EPB41L1: variants seen among roughly 807,000 people sequenced by gnomAD.
The protein encoded by EPB41L1 is erythrocyte membrane protein band 4.1 like 1.
A neutral mutation model predicts 97.8 loss-of-function variants in EPB41L1; 29 were observed. The observed-to-expected ratio is 0.30, with a 90% confidence interval of 0.22 to 0.40. EPB41L1 has a LOEUF of 0.40. EPB41L1 is among the 10% of genes least tolerant of loss of function. EPB41L1 has a pLI of 1.00. For synonymous variants in EPB41L1, 383 were observed against 459.2 expected, an observed-to-expected ratio of 0.83 and a Z score of 2.12; for missense variants, 812 against 1,162.3, an observed-to-expected ratio of 0.70 and a Z score of 4.38.
intron 19 of EPB41L1, 81 bp downstream of exon 19, chr20:36,219,925 C>T: frequency 7.9e-7 from 1 of 1,263,252 alleles, no homozygotes; most frequent in Non-Finnish European, 1.2e-6. Context: ...TTCGGCTTCG[C>T]CATCTGTAAA....
chr20:36,123,331 A>G (rs988550886), intron 2 of EPB41L1, among the ~76,000 whole-genome samples: 17 of 152,170 alleles, frequency 1.1e-4, no homozygotes, highest in Non-Finnish European at 2.2e-4. Flanking sequence ...CCCCTCTGTG[A>G]CACTGGGAAA....
chr20:36,190,209 A>T lies in EPB41L1; in HGVS notation c.1027-68A>T. 2 of 1,264,082 alleles carry T rather than the reference A, an allele frequency of 1.6e-6. No individual in the cohort carries two copies. The highest frequency in any genetic ancestry group is 1.1e-6 in the Non-Finnish European group (1 of 871,016). 78.3% of individuals were successfully genotyped at this position (1,264,082 alleles called of 1,614,324 possible). On this transcript the variant is annotated intron_variant, in intron 9 of 21. Transcript: ENST00000338074. The surrounding 1 kb of genome is among the most constrained non-coding windows in gnomAD (Gnocchi z 5.8). ...ACATTAAACAAATAAAATAAAAAAC[A>T]CAAAGAATGGGCTAGTGGCGAGAGT...
At position 36,206,432 on chromosome 20, in the gene EPB41L1, T is replaced by C. The variant is rs1600953589; in HGVS notation, c.1669-3056T>C. The stretch of plus-strand genomic sequence containing the variant: ...GCCCACGCAGAAGCCAGAGCTGAGT[T>C]GAGCAATGAAACTGATACTTCCTTT... On this transcript the variant is annotated intron_variant, in intron 14 of 21. Transcript: ENST00000338074. The surrounding 1 kb of genome is among the most constrained non-coding windows in gnomAD (Gnocchi z 5.5). The C allele has an allele frequency of 2.3e-6, 3 of 1,290,000 alleles. No homozygotes were observed. The highest frequency in any genetic ancestry group is 3.0e-6 in the Non-Finnish European group (3 of 988,916). The allele number at this position is 1,290,000 out of a possible 1,614,324, so 79.9% of individuals were successfully genotyped here. A position where few individuals can be genotyped will look rare whatever the true frequency, so the allele number is the denominator to read the frequency against.
In EPB41L1 at chr20:36,209,940, G is replaced by A. The variant is rs371924089; in HGVS notation, c.2079+42G>A. The A allele has an allele frequency of 4.3e-5, 69 of 1,604,298 alleles. No homozygotes were observed. Among genetic ancestry groups the A allele is most frequent in the Admixed American group, 5.1e-5 (3 of 59,044 alleles). On this transcript the variant is annotated intron_variant, in intron 15 of 21. Transcript: ENST00000338074. The surrounding 1 kb of genome is among the most constrained non-coding windows in gnomAD (Gnocchi z 4.2). ...TCAAGAGCCAGGCCCGCTGGGCACC[G>A]CATGCTCAGAGGGCCCTGGGCCACC... is the stretch of plus-strand genomic sequence containing the variant.
At chr20:36,155,290 T>C in intron 1 of EPB41L1, 1 of 413,762 alleles carries the variant, frequency 2.4e-6, no homozygotes, top group Non-Finnish European at 4.8e-6. Context: ...CCTGGGATGC[T>C]GGCGAGCCCT....
At chr20:36,131,757 G>T (rs1254835177) in intron 2 of EPB41L1, among the ~76,000 whole-genome samples, 1 of 152,200 alleles carries the variant, frequency 6.6e-6, no homozygotes. Flanking sequence ...TGCAGGGGCA[G>T]AGCTGAGGCC....
chr20:36,174,298 G>A lies in EPB41L1; in HGVS notation c.177+344G>A, dbSNP rs150881960. ...TTTTTTTTAATTGAGTTGGAGTCTC[G>A]CCCTGTCACCCAGGCTGGAGTGCAG... On this transcript the variant is annotated intron_variant, in intron 2 of 21. Transcript: ENST00000338074. Among the ~76,000 whole-genome samples, 1,297 of 150,292 alleles carry A rather than the reference G, an allele frequency of 8.6e-3. 27 individuals carry two copies. Among genetic ancestry groups the A allele is most frequent in the African/African-American group, 0.03 (1,207 of 40,792 alleles).
chr20:36,182,797 A>T (rs1243129168), intron 6 of EPB41L1, among the ~76,000 whole-genome samples: 1 of 152,228 alleles, frequency 6.6e-6, no homozygotes, highest in Non-Finnish European at 1.5e-5. Flanking sequence ...TACCAAACCC[A>T]TGTAAAAGCT....
intron 2 of EPB41L1, among the ~76,000 whole-genome samples, chr20:36,137,841 A>G (rs1348224813): frequency 1.3e-5 from 2 of 152,176 alleles, no homozygotes; most frequent in African/African-American, 4.8e-5. Context: ...TTAATATGAA[A>G]AAAGTGAAAC....
chr20:36,217,466 G>A (rs985519438), intron 17 of EPB41L1, among the ~76,000 whole-genome samples: 8 of 152,212 alleles, frequency 5.3e-5, no homozygotes, highest in Non-Finnish European at 1.2e-4. Context: ...GGATACAGGA[G>A]AGGAAGGGAG....
chr20:36,207,221 G>T lies in EPB41L1; in HGVS notation c.1669-2267G>T. The stretch of plus-strand genomic sequence containing the variant: ...AGACATGTCCATCTTTCGAAAGCCA[G>T]CCCAGAGCCCAAGGACCAAGTAGGG... On this transcript the variant is annotated intron_variant, in intron 14 of 21. Transcript: ENST00000338074. This position sits in a 1 kb window ranked among gnomAD's most constrained non-coding sequence, Gnocchi z 4.9. 7.8e-7 allele frequency: 1 copy of T among 1,282,964 alleles called. No homozygotes were observed. The highest frequency in any genetic ancestry group is 1.0e-6 in the Non-Finnish European group (1 of 984,442). The allele number at this position is 1,282,964 out of a possible 1,614,324, so 79.5% of individuals were successfully genotyped here.
intron 14 of EPB41L1, among the ~76,000 whole-genome samples, chr20:36,202,188 C>T (rs1317385770): frequency 6.6e-6 from 1 of 152,226 alleles, no homozygotes; most frequent in African/African-American, 2.4e-5. Context: ...CCACAACCTG[C>T]ACCCCGCCCC....
chr20:36,142,284 ATATG>A (rs924791238), intron 2 of EPB41L1, among the ~76,000 whole-genome samples: 1 of 152,206 alleles, frequency 6.6e-6, no homozygotes, highest in Non-Finnish European at 1.5e-5. Context: ...GTATTTCAGC[ATATG>A]TATGTATCAC....
intron 1 of EPB41L1, among the ~76,000 whole-genome samples, chr20:36,161,590 C>G (rs1054133206): frequency 6.6e-6 from 1 of 152,006 alleles, no homozygotes; most frequent in Non-Finnish European, 1.5e-5. Context: ...ATTCTCCTGC[C>G]TTGGCCTCCC....
intron 1 of EPB41L1, among the ~76,000 whole-genome samples, chr20:36,101,952 C>T (rs1480891087): frequency 3.3e-5 from 5 of 152,012 alleles, no homozygotes; most frequent in Non-Finnish European, 7.4e-5. Context: ...TTGCAGTGAG[C>T]TGAGATCACA....
chr20:36,213,775 AT>A lies in EPB41L1; in HGVS notation c.2185-581del, dbSNP rs1205883462. On this transcript the variant is annotated intron_variant, in intron 16 of 21. Transcript: ENST00000338074. ...TTCTTATAATATCACCCAGAAAAAAATATAAGCCTATTTCAACACAGATACC... is the reference window on the plus strand; with the variant it reads ...TTCTTATAATATCACCCAGAAAAAAAATAAGCCTATTTCAACACAGATACC... Among the ~76,000 whole-genome samples, 6 of 152,370 alleles carry A rather than the reference AT, an allele frequency of 3.9e-5. 1 individual carries two copies. In the East Asian group the frequency reaches 1.2e-3, roughly 29 times the overall value.
intron 7 of EPB41L1, among the ~76,000 whole-genome samples, chr20:36,186,468 G>A (rs1168700005): frequency 1.3e-5 from 2 of 152,230 alleles, no homozygotes; most frequent in African/African-American, 4.8e-5. Context: ...TGTACGTGGG[G>A]AAGAGCCTGC....
At position 36,092,050 on chromosome 20, in the gene EPB41L1, G is replaced by A. The variant is rs2057677481; in HGVS notation, c.-65+438G>A. 1.3e-5 allele frequency among the ~76,000 whole-genome samples: 2 copies of A among 152,202 alleles called. No individual in the cohort carries two copies. The highest frequency in any genetic ancestry group is 4.1e-4 in the South Asian group (2 of 4,830). ...CAGAGCCAGGGACTCAGCCCTTGGAGAGTCCCCAGAGAGTCCAGAGGTTGC... is the reference window on the plus strand; with the variant it reads ...CAGAGCCAGGGACTCAGCCCTTGGAAAGTCCCCAGAGAGTCCAGAGGTTGC... On this transcript the variant is annotated intron_variant, in intron 1 of 19. Transcript: ENST00000202028. The surrounding 1 kb of genome is among the most constrained non-coding windows in gnomAD (Gnocchi z 7.0).
chr20:36,228,828 C>T (rs897467504), intron 21 of EPB41L1, among the ~76,000 whole-genome samples: 18 of 151,776 alleles, frequency 1.2e-4, no homozygotes, highest in African/African-American at 4.4e-4. Flanking sequence ...AGAACATCTG[C>T]AATCGTGACT....
Sources: allele counts gnomAD v4.1 joint callset (sites outside exome capture counted in the v4.1 genomes callset), GRCh38; gene constraint gnomAD v4.1.1; non-coding constraint Gnocchi (gnomAD v3.1); transcripts MANE v1.5; gene names NCBI Gene and HGNC (gene_info 2026-07-23, HGNC 2026-07-21).